C17orf114: variants seen among roughly 807,000 people sequenced by gnomAD.
The protein encoded by C17orf114 is chromosome 17 open reading frame 114, also known as uncharacterized protein C17orf114.
At chr17:4,806,292 AC>A (rs147012482), upstream of C17orf114, among the ~76,000 whole-genome samples, 2,344 of 152,338 alleles carry the variant, frequency 0.015, 33 homozygotes, top group Middle Eastern at 0.048. Flanking sequence ...TAAGTTAAAC[AC>A]ACACTGATAT....
upstream of C17orf114, among the ~76,000 whole-genome samples, chr17:4,804,203 TTTTTC>T (rs1468279150): frequency 6.8e-6 from 1 of 147,848 alleles, no homozygotes; most frequent in East Asian, 2.3e-4. Context: ...TTTTTTTTCT[TTTTTC>T]TTTTTTTTTT....
chr17:4,806,082 A>G (rs1247071460), upstream of C17orf114, among the ~76,000 whole-genome samples: 1 of 152,250 alleles, frequency 6.6e-6, no homozygotes, highest in Non-Finnish European at 1.5e-5. Flanking sequence ...CACATGAAAC[A>G]TGGTCAATAT....
At chr17:4,806,993 G>C (rs1294976059), upstream of C17orf114, 1 of 150,730 alleles carries the variant, frequency 6.6e-6, no homozygotes, top group Admixed American at 6.6e-5. Context: ...CCTGCCCGGG[G>C]CTCTCGGTGG....
At chr17:4,803,406 G>GT (rs1170706919), upstream of C17orf114, among the ~76,000 whole-genome samples, 2 of 115,822 alleles carry the variant, frequency 1.7e-5, no homozygotes, top group Non-Finnish European at 3.7e-5. Flanking sequence ...AAAATCTATT[G>GT]TTTTTTTTAA....
At chr17:4,801,276 C>G (rs1431998537) in exon 2 of C17orf114, 1 of 398,592 alleles carries the variant, frequency 2.5e-6, no homozygotes, top group Non-Finnish European at 4.4e-6. Flanking sequence ...GGTTCACCTC[C>G]TCGTCGTCCC....
upstream of C17orf114, among the ~76,000 whole-genome samples, chr17:4,803,332 A>C (rs1905558610): frequency 6.6e-6 from 1 of 151,300 alleles, no homozygotes; most frequent in African/African-American, 2.4e-5. Flanking sequence ...TCACGCAGGC[A>C]GTTATTAGCC....
chr17:4,804,208 CTT>C (rs35137655), upstream of C17orf114, among the ~76,000 whole-genome samples: 29 of 141,454 alleles, frequency 2.1e-4, no homozygotes, highest in African/African-American at 2.6e-4. Flanking sequence ...TTTCTTTTTT[CTT>C]TTTTTTTTTT....
chr17:4,801,879 C>G (rs563272657), intron 1 of C17orf114, among the ~76,000 whole-genome samples: 1 of 151,886 alleles, frequency 6.6e-6, no homozygotes, highest in African/African-American at 2.4e-5. Context: ...TACAGGCGCC[C>G]GCCACCACAC....
exon 2 of C17orf114, chr17:4,801,201 T>C: frequency 2.5e-6 from 1 of 398,074 alleles, no homozygotes; most frequent in Non-Finnish European, 4.4e-6. Context: ...TAGAAAGGAC[T>C]TGGGGAGGTG....
At chr17:4,803,103 G>C (rs1048807957), upstream of C17orf114, among the ~76,000 whole-genome samples, 1 of 151,942 alleles carries the variant, frequency 6.6e-6, no homozygotes, top group Non-Finnish European at 1.5e-5. Context: ...ATTTTTAGTA[G>C]AGACGGGGTT....
chr17:4,806,685 G>A (rs1205727924), upstream of C17orf114: 1 of 152,134 alleles, frequency 6.6e-6, no homozygotes, highest in Non-Finnish European at 1.5e-5. Context: ...TTCCTTCCAG[G>A]TACAAACGCT....
chr17:4,806,068 T>G (rs142488728), upstream of C17orf114, among the ~76,000 whole-genome samples: 1 of 152,292 alleles, frequency 6.6e-6, no homozygotes, highest in Non-Finnish European at 1.5e-5. Context: ...AAATGGCCAA[T>G]CAGCACATGA....
At chr17:4,805,960 GAA>G (rs987265227), upstream of C17orf114, among the ~76,000 whole-genome samples, 1 of 146,476 alleles carries the variant, frequency 6.8e-6, no homozygotes, top group African/African-American at 2.5e-5. Context: ...CTCAAAAAAA[GAA>G]AAAAAAAGAG....
chr17:4,804,583 T>C (rs1905595983), upstream of C17orf114, among the ~76,000 whole-genome samples: 1 of 150,936 alleles, frequency 6.6e-6, no homozygotes. Flanking sequence ...ACTGCCTGAG[T>C]TACACAGAAA....
intron 1 of C17orf114, 42 bp downstream of exon 1, chr17:4,802,205 G>A (rs1905530335): frequency 2.5e-6 from 1 of 399,050 alleles, no homozygotes; most frequent in African/African-American, 2.1e-5. Flanking sequence ...TTGTCTCTCT[G>A]TCTGCCTGAC....
rs1597312441 is a variant in C17orf114, at chr17:4,802,216, A to G, written c.73+31T>C. On this transcript the variant is annotated intron_variant, in intron 1 of 1. Coordinates refer to ENST00000635921, the Ensembl canonical transcript of C17orf114. The stretch of plus-strand genomic sequence containing the variant: ...GCAGTTGTCTCTCTGTCTGCCTGAC[A>G]GCCCCGCTTTACCCTCAGTCTACTC... 5 of 399,326 alleles carry G rather than the reference A, an allele frequency of 1.3e-5. No homozygotes were observed. In the Middle Eastern group the frequency reaches 2.5e-3, roughly 201 times the overall value. The allele number at this position is 399,326 out of a possible 1,614,324, so 24.7% of individuals were successfully genotyped here. A position where few individuals can be genotyped will look rare whatever the true frequency, so the allele number is the denominator to read the frequency against.
chr17:4,803,207 C>T (rs1005496444), upstream of C17orf114, among the ~76,000 whole-genome samples: 11 of 151,972 alleles, frequency 7.2e-5, no homozygotes, highest in African/African-American at 2.7e-4. Flanking sequence ...GTGTGAGCCA[C>T]CGCACCCGGC....
chr17:4,804,208 CT>C (rs35137655), upstream of C17orf114, among the ~76,000 whole-genome samples: 17,662 of 141,302 alleles, frequency 0.12, 1,476 homozygotes, highest in East Asian at 0.46. Flanking sequence ...TTTCTTTTTT[CT>C]TTTTTTTTTT....
chr17:4,805,030 C>T (rs1008413766), upstream of C17orf114, among the ~76,000 whole-genome samples: 5 of 152,152 alleles, frequency 3.3e-5, no homozygotes, highest in Non-Finnish European at 7.3e-5. Context: ...TTCTTATCAT[C>T]CTGGAATGTT....
Sources: allele counts gnomAD v4.1 joint callset (sites outside exome capture counted in the v4.1 genomes callset), GRCh38; gene constraint gnomAD v4.1.1; transcripts MANE v1.5; gene names NCBI Gene and HGNC (gene_info 2026-07-23, HGNC 2026-07-21).